The following PLEKHH2 variants were observed in gnomAD, a reference collection of about 807,000 sequenced individuals.
PLEKHH2 encodes pleckstrin homology domain-containing family H member 2.
PLEKHH2 carries 129 observed loss-of-function variants against 187.9 expected under a neutral mutation model. The observed-to-expected ratio is 0.69, with a 90% CI of 0.59 to 0.79. PLEKHH2 has a LOEUF of 0.79. Among genes scored for constraint, PLEKHH2 ranks in the 30% least tolerant of loss-of-function variants. The pLI is 0.00. For synonymous variants in PLEKHH2, 686 were observed against 605.6 expected (o/e 1.13, Z -1.95); for missense variants, 2,076 against 1,751.2 (o/e 1.19, Z -3.31).
Position 43,767,837 on chromosome 2 carries a change from T to C in PLEKHH2, c.*2239T>C, listed in dbSNP as rs1246102763. The C allele has an allele frequency of 6.5e-6, 1 of 152,798 alleles. No homozygotes were observed. The highest frequency in any genetic ancestry group is 1.5e-5 in the Non-Finnish European group (1 of 68,050). The allele number at this position is 152,798 out of a possible 1,614,324, so 9.5% of individuals were successfully genotyped here. On this transcript the variant is annotated 3_prime_UTR_variant, in exon 30 of 30. Transcript: ENST00000282406. ...TTTCTGTAACTGATGATGTGAAAAT[T>C]TTATTTTCTGGGAAATTATATAGCC...
At chr2:43,704,390 G>A (rs923124556) in intron 9 of PLEKHH2, among the ~76,000 whole-genome samples, 2 of 152,092 alleles carry the variant, frequency 1.3e-5, no homozygotes, top group East Asian at 1.9e-4. Context: ...GGCCGGGCAC[G>A]GTGGCTCGCG....
chr2:43,702,397 C>G (rs1234012217), intron 8 of PLEKHH2, among the ~76,000 whole-genome samples: 1 of 152,074 alleles, frequency 6.6e-6, no homozygotes, highest in Non-Finnish European at 1.5e-5. Flanking sequence ...GCATGTGAAT[C>G]TCTGGAATTC....
At chr2:43,714,834 A>G (rs1023924980) in intron 15 of PLEKHH2, among the ~76,000 whole-genome samples, 2 of 152,200 alleles carry the variant, frequency 1.3e-5, no homozygotes, top group African/African-American at 2.4e-5. Flanking sequence ...GCTTATTTAC[A>G]ATGATATAAA....
intron 3 of PLEKHH2, 24 bp downstream of exon 3, chr2:43,678,949 T>G (rs758884173): frequency 1.3e-6 from 2 of 1,528,182 alleles, no homozygotes; most frequent in South Asian, 2.4e-5. Flanking sequence ...TTACTTTAAA[T>G]TTTTTTTGCC....
At chr2:43,723,640 G>T (rs775076669) in intron 16 of PLEKHH2, among the ~76,000 whole-genome samples, 2 of 152,144 alleles carry the variant, frequency 1.3e-5, no homozygotes, top group South Asian at 2.1e-4. Flanking sequence ...GGAAGAAAAC[G>T]CAGAGGGTCA....
chr2:43,738,350 C>A lies in PLEKHH2; in HGVS notation c.2953C>A (p.Leu985Ile), dbSNP rs776213521. Residue 985 changes from leucine to isoleucine, a missense_variant, in exon 20 of 30, where the codon CTT becomes ATT. By Grantham distance (5) the Leu-to-Ile change is conservative. Coordinates refer to ENST00000282406, the MANE Select transcript of PLEKHH2 (RefSeq NM_172069.4). ...TTTTTGTTTAATTCAGACCTGCCAG[C>A]TTTTTATAAATGCTGCAGTTGACTC... ...EAIKLFKTCQLFINAAVDSPA... is the reference protein window; with the variant it reads ...EAIKLFKTCQIFINAAVDSPA... 14 of 1,608,364 alleles carry A rather than the reference C, an allele frequency of 8.7e-6. No individual in the cohort carries two copies. The highest frequency in any genetic ancestry group is 1.2e-5 in the Non-Finnish European group (14 of 1,176,228).
intron 10 of PLEKHH2, 27 bp from the exon 11 acceptor site, chr2:43,707,374 C>T (rs1259512156): frequency 3.7e-6 from 6 of 1,613,334 alleles, no homozygotes; most frequent in Non-Finnish European, 4.2e-6. Context: ...GGGATGGATA[C>T]AGGGAGGTTG....
intron 27 of PLEKHH2, among the ~76,000 whole-genome samples, chr2:43,761,940 G>T (rs944059841): frequency 6.6e-6 from 1 of 152,054 alleles, no homozygotes; most frequent in Non-Finnish European, 1.5e-5. Flanking sequence ...TAGGATTTTG[G>T]TCATCATAGA....
rs1276387730 is a variant in PLEKHH2 at position 43,743,881 on chromosome 2, T to G, written c.3447T>G (p.Thr1149=). ...ASTTVEEFLN[T]LNQDTGMRKP... is the part of the protein sequence containing the mutation. ...CCACAGTGGAAGAATTTTTGAATAC[T>G]TTGAACCAGGACACAGGAATGAGGA... Residue 1149 remains threonine, a synonymous_variant, in exon 23 of 30, where the codon ACT becomes ACG. Transcript: ENST00000282406. 1 of 1,614,112 alleles carries G rather than the reference T, an allele frequency of 6.2e-7. No homozygotes were observed. Among genetic ancestry groups the G allele is most frequent in the Non-Finnish European group, 8.5e-7 (1 of 1,179,974 alleles).
chr2:43,643,867 T>G (rs1042392599), intron 1 of PLEKHH2, among the ~76,000 whole-genome samples: 2 of 152,078 alleles, frequency 1.3e-5, no homozygotes, highest in Non-Finnish European at 2.9e-5. Context: ...ACTTCAAAAT[T>G]TCAAAACCAA....
chr2:43,658,376 T>C (rs756828150), intron 2 of PLEKHH2, among the ~76,000 whole-genome samples: 22 of 152,260 alleles, frequency 1.4e-4, no homozygotes, highest in Admixed American at 6.5e-5. Flanking sequence ...ACTTCATCTG[T>C]ATTAGTTATC....
chr2:43,766,101 G>T lies in PLEKHH2; in HGVS notation c.*503G>T. The T allele has an allele frequency of 6.5e-6, 1 of 153,270 alleles. No individual in the cohort carries two copies. The allele number at this position is 153,270 out of a possible 1,614,324, so 9.5% of individuals were successfully genotyped here. A position where few individuals can be genotyped will look rare whatever the true frequency, so the allele number is the denominator to read the frequency against. The stretch of plus-strand genomic sequence containing the variant: ...CAGCATAAGAAACTGCTGCAGAGTG[G>T]TGCGAGGAGTACATTTTCAGAGCAG... On this transcript the variant is annotated 3_prime_UTR_variant, in exon 30 of 30. Transcript: ENST00000282406.
intron 7 of PLEKHH2, 24 bp from the exon 8 acceptor site, chr2:43,699,623 C>T: frequency 6.3e-7 from 1 of 1,592,928 alleles, no homozygotes; most frequent in Non-Finnish European, 8.5e-7. Context: ...AGGCAGCATG[C>T]TGATATGATG....
At chr2:43,698,543 C>G (rs545846048) in intron 7 of PLEKHH2, among the ~76,000 whole-genome samples, 2 of 152,236 alleles carry the variant, frequency 1.3e-5, no homozygotes, top group East Asian at 1.9e-4. Flanking sequence ...GCCACTGCAC[C>G]CGGCCTACTT....
intron 17 of PLEKHH2, among the ~76,000 whole-genome samples, chr2:43,726,723 A>G (rs1442569052): frequency 6.6e-6 from 1 of 152,142 alleles, no homozygotes; most frequent in Non-Finnish European, 1.5e-5. Context: ...TGGATCTCTC[A>G]GATTGAACAT....
chr2:43,674,712 T>C (rs4497911), intron 2 of PLEKHH2, among the ~76,000 whole-genome samples: 99,578 of 152,066 alleles, frequency 0.65, 33,419 homozygotes, highest in Middle Eastern at 0.73. Flanking sequence ...GGGCTGCGTG[T>C]GGTGGGTCAT....
chr2:43,687,975 T>A (rs1668607637), intron 3 of PLEKHH2, among the ~76,000 whole-genome samples: 1 of 152,090 alleles, frequency 6.6e-6, no homozygotes, highest in Non-Finnish European at 1.5e-5. Flanking sequence ...ATTTTAGAAT[T>A]TTTTTTGTAG....
Position 43,731,561 on chromosome 2 carries a change from C to T in PLEKHH2, c.2902C>T (p.Pro968Ser). Residue 968 changes from proline (P) to serine (S), a missense_variant, in exon 19 of 30, where the codon CCT becomes TCT. Transcript: ENST00000282406. Reference protein sequence around the residue: ...EGIISPLTTLPSEALQTEAIK... With the variant: ...EGIISPLTTLSSEALQTEAIK... ...AATCATTTCCCCTCTGACAACTCTACCTTCCGAAGCCCTGCAGACAGAAGC... is the reference window on the plus strand; with the variant it reads ...AATCATTTCCCCTCTGACAACTCTATCTTCCGAAGCCCTGCAGACAGAAGC... The T allele has an allele frequency of 6.2e-7, 1 of 1,601,714 alleles. No individual in the cohort carries two copies. The highest frequency in any genetic ancestry group is 8.6e-7 in the Non-Finnish European group (1 of 1,169,500).
At chr2:43,675,991 A>G (rs1201008782) in intron 2 of PLEKHH2, 4 of 1,613,974 alleles carry the variant, frequency 2.5e-6, no homozygotes, top group Non-Finnish European at 2.5e-6. Flanking sequence ...ATTACTTTCT[A>G]TATTGAACAA....
Sources: gnomAD v4.1 joint callset for allele counts (sites outside exome capture counted in the v4.1 genomes callset) on GRCh38, gnomAD v4.1.1 for gene constraint, MANE v1.5 for transcripts, NCBI Gene and HGNC (gene_info 2026-07-23, HGNC 2026-07-21) for gene names.